The following ZSWIM8 variants were observed in gnomAD, a reference collection of about 807,000 sequenced individuals.
The protein encoded by ZSWIM8 is zinc finger SWIM-type containing 8, also known as zinc finger SWIM domain-containing protein 8.
A neutral mutation model predicts 173.7 loss-of-function variants in ZSWIM8; 27 were observed. The ratio of observed to expected loss-of-function variants is 0.16; its 90% CI spans 0.11 to 0.21. The LOEUF (loss-of-function observed/expected upper bound fraction) is 0.21, where lower values mean the gene tolerates loss of function less well. Among genes scored for constraint, ZSWIM8 ranks in the 10% least tolerant of loss-of-function variants. The pLI is 1.00. For missense variants in ZSWIM8, 1,627 were observed against 2,428.8 expected, an observed-to-expected ratio of 0.67 and a Z score of 6.94; for synonymous variants, 958 against 962.0, an observed-to-expected ratio of 1.00 and a Z score of 0.08.
Position 73,792,938 on chromosome 10 carries a change from C to G in ZSWIM8, c.2313+86C>G. The G allele has an allele frequency of 6.9e-7, 1 of 1,456,504 alleles. No individual in the cohort carries two copies. Among genetic ancestry groups the G allele is most frequent in the Non-Finnish European group, 9.1e-7 (1 of 1,096,900 alleles). The allele number at this position is 1,456,504 out of a possible 1,614,324, so 90.2% of individuals were successfully genotyped here. A position where few individuals can be genotyped will look rare whatever the true frequency, so the allele number is the denominator to read the frequency against. On this transcript the variant is annotated intron_variant, in intron 10 of 25. Coordinates refer to ENST00000604729, the MANE Select transcript of ZSWIM8 (RefSeq NM_001367799.1). The surrounding 1 kb of genome is among the most constrained non-coding windows in gnomAD (Gnocchi z 4.3). ...TAGCTCTAGTTGGGAGTGTCAGGACCATCAGCAGGATTGTGAGAACCCTGT... is the reference window on the plus strand; with the variant it reads ...TAGCTCTAGTTGGGAGTGTCAGGACGATCAGCAGGATTGTGAGAACCCTGT...
intron 7 of ZSWIM8, 94 bp downstream of exon 7, chr10:73,790,386 C>G: frequency 6.7e-7 from 1 of 1,501,490 alleles, no homozygotes; most frequent in African/African-American, 1.4e-5. Context: ...GCCTGTGACC[C>G]CTACCTTTTA....
In ZSWIM8 at chr10:73,792,613, C is replaced by G; in HGVS notation, c.2074C>G (p.Leu692Val). ...PTASVGPPGL[L>V]PGDVCTQDDL... ...AGCCTCTGTTGGCCCCCCTGGCCTA[C>G]TGCCTGGGGATGTCTGTACCCAGGA... Residue 692 changes from leucine to valine, a missense_variant, in exon 10 of 26, where the codon CTG (leucine) becomes GTG (valine). This residue lies in a region of ZSWIM8 where 383 missense variants were observed against 394.8 expected (regional missense o/e 0.97). Coordinates refer to ENST00000604729, the MANE Select transcript of ZSWIM8 (RefSeq NM_001367799.1). The surrounding 1 kb of genome is among the most constrained non-coding windows in gnomAD (Gnocchi z 4.3). 1 of 1,614,028 alleles carries G rather than the reference C, an allele frequency of 6.2e-7. No homozygotes were observed. The highest frequency in any genetic ancestry group is 1.1e-5 in the South Asian group (1 of 91,092).
chr10:73,795,757 A>G, intron 15 of ZSWIM8, 94 bp downstream of exon 15: 2 of 1,410,714 alleles, frequency 1.4e-6, no homozygotes, highest in Non-Finnish European at 1.9e-6. Context: ...CAGGAGTTTG[A>G]GACAAGCCTG....
chr10:73,792,356 G>C lies in ZSWIM8; in HGVS notation c.1817G>C (p.Arg606Pro). ...KGSAGGGSKR[R>P]LSSEDSSLEP... ...TCAGCAGGTGGCGGAAGCAAGCGACGGCTGAGCAGCGAAGACAGCTCCCTG... is the reference window on the plus strand; with the variant it reads ...TCAGCAGGTGGCGGAAGCAAGCGACCGCTGAGCAGCGAAGACAGCTCCCTG... The change falls in exon 10 of 26, where the codon CGG becomes CCG. Residue 606 changes from arginine to proline, a missense_variant. Arg to Pro is a moderately radical substitution (Grantham distance 103, BLOSUM62 -2). This residue lies in a region of ZSWIM8 where 383 missense variants were observed against 394.8 expected (regional missense o/e 0.97). Coordinates refer to ENST00000604729, the MANE Select transcript of ZSWIM8 (RefSeq NM_001367799.1). This position sits in a 1 kb window ranked among gnomAD's most constrained non-coding sequence, Gnocchi z 4.3. The C allele has an allele frequency of 6.2e-7, 1 of 1,611,232 alleles. No homozygotes were observed. The highest frequency in any genetic ancestry group is 2.2e-5 in the East Asian group (1 of 44,780).
rs371197279 is a variant in ZSWIM8 at position 73,801,375 on chromosome 10, G to T, written c.5361G>T (p.Ala1787=). 2.7e-5 allele frequency: 43 copies of T among 1,613,828 alleles called. No individual in the cohort carries two copies. The highest frequency in any genetic ancestry group is 3.4e-5 in the Non-Finnish European group (40 of 1,179,874). The change falls in exon 26 of 26, where the codon GCG becomes GCT. Residue 1787 remains alanine, a synonymous_variant. Coordinates refer to ENST00000604729, the MANE Select transcript of ZSWIM8 (RefSeq NM_001367799.1). The surrounding 1 kb of genome is among the most constrained non-coding windows in gnomAD (Gnocchi z 4.9). The part of the protein sequence containing the change: ...TPADYDDFVN[A]IRSARSAFCL... ...CGGACTACGACGACTTTGTGAATGC[G>T]ATCCGGAGTGCCCGCAGCGCCTTCT...
At position 73,792,801 on chromosome 10, in the gene ZSWIM8, G is replaced by T; in HGVS notation, c.2262G>T (p.Glu754Asp). Residue 754 changes from glutamate (E) to aspartate (D), a missense_variant, in exon 10 of 26, where the codon GAG (glutamate) becomes GAT (aspartate). Physicochemically the swap from Glu to Asp is conservative, Grantham distance 45 (BLOSUM62 2). Coordinates refer to ENST00000604729, the MANE Select transcript of ZSWIM8 (RefSeq NM_001367799.1). The surrounding 1 kb of genome is among the most constrained non-coding windows in gnomAD (Gnocchi z 4.3). ...AGGCCGAGGGCGGGGCTGGGGAGGAGCACGACCTGTTTGCTGGGCTGAAGC... is the reference window on the plus strand; with the variant it reads ...AGGCCGAGGGCGGGGCTGGGGAGGATCACGACCTGTTTGCTGGGCTGAAGC... Reference protein sequence around the residue: ...EEKAEGGAGEEHDLFAGLKPL... With the variant: ...EEKAEGGAGEDHDLFAGLKPL... The T allele has an allele frequency of 6.2e-7, 1 of 1,600,986 alleles. No homozygotes were observed.
In ZSWIM8 at chr10:73,791,557, G is replaced by C. The variant is rs1001635100; in HGVS notation, c.1319+58G>C. 16 of 1,479,972 alleles carry C rather than the reference G, an allele frequency of 1.1e-5. No individual in the cohort carries two copies. Among genetic ancestry groups the C allele is most frequent in the Non-Finnish European group, 1.4e-5 (15 of 1,108,276 alleles). 91.7% of individuals were successfully genotyped at this position (1,479,972 alleles called of 1,614,324 possible). On this transcript the variant is annotated intron_variant, in intron 9 of 25. Coordinates refer to ENST00000604729, the MANE Select transcript of ZSWIM8 (RefSeq NM_001367799.1). The surrounding 1 kb of genome is among the most constrained non-coding windows in gnomAD (Gnocchi z 6.0). ...AGCCTGGGCCAGCTCAGGACAGACTGAGCCTTCATCTCCTTGTTTGCAGAG... is the reference window on the plus strand; with the variant it reads ...AGCCTGGGCCAGCTCAGGACAGACTCAGCCTTCATCTCCTTGTTTGCAGAG...
Position 73,793,641 on chromosome 10 carries a change from C to T in ZSWIM8, c.2367C>T (p.Ala789=), listed in dbSNP as rs780358951. The T allele has an allele frequency of 1.9e-6, 3 of 1,613,446 alleles. No individual in the cohort carries two copies. Among genetic ancestry groups the T allele is most frequent in the Non-Finnish European group, 2.5e-6 (3 of 1,179,612 alleles). The part of the protein sequence containing the change: ...ALHAHGYSSE[A]SRLTVELAQD... ...ATGCGCATGGCTATAGCAGTGAGGC[C>T]TCCCGTCTCACTGTGGAGCTTGCCC... Residue 789 remains alanine (A), a synonymous_variant, in exon 11 of 26, where the codon GCC becomes GCT. Transcript: ENST00000604729.
In ZSWIM8 at chr10:73,789,223, T is replaced by G. The variant is rs1317393749; in HGVS notation, c.457+33T>G. The G allele has an allele frequency of 3.1e-6, 5 of 1,612,002 alleles. No homozygotes were observed. Among genetic ancestry groups the G allele is most frequent in the Non-Finnish European group, 4.2e-6 (5 of 1,178,224 alleles). On this transcript the variant is annotated intron_variant, in intron 3 of 25. Coordinates refer to ENST00000604729, the MANE Select transcript of ZSWIM8 (RefSeq NM_001367799.1). This position sits in a 1 kb window ranked among gnomAD's most constrained non-coding sequence, Gnocchi z 6.8. Reference sequence around the variant, plus strand: ...GGCCATCATGCCATGTGGCACATCCTGCTCCTCCCATCCCCTGGCTTATGA... The same window carrying G: ...GGCCATCATGCCATGTGGCACATCCGGCTCCTCCCATCCCCTGGCTTATGA...
At chr10:73,786,222 G>C (rs2083212794) in intron 1 of ZSWIM8, 136 bp downstream of exon 1, 1 of 1,045,382 alleles carries the variant, frequency 9.6e-7, no homozygotes, top group Non-Finnish European at 1.3e-6. Flanking sequence ...CCCCGGCCGG[G>C]AGCTGTCCCC....
Position 73,796,755 on chromosome 10 carries a change from C to A in ZSWIM8, c.3034-19C>A. On this transcript the variant is annotated intron_variant, in intron 15 of 25. Transcript: ENST00000604729. Reference sequence around the variant, plus strand: ...ATCCTGTCACTGCTTCTCTGGAGGTCACTGCTTCTGTCTTCCAGATCTTAG... The same window carrying A: ...ATCCTGTCACTGCTTCTCTGGAGGTAACTGCTTCTGTCTTCCAGATCTTAG... 6.2e-7 allele frequency: 1 copy of A among 1,610,306 alleles called. No homozygotes were observed. The highest frequency in any genetic ancestry group is 1.1e-5 in the South Asian group (1 of 91,020).
intron 1 of ZSWIM8, among the ~76,000 whole-genome samples, chr10:73,787,159 G>T (rs1232290477): frequency 6.6e-6 from 1 of 152,150 alleles, no homozygotes; most frequent in African/African-American, 2.4e-5. Flanking sequence ...GGTCAGGCTG[G>T]TCTTGAACTC....
chr10:73,788,263 C>T (rs1027831666), intron 1 of ZSWIM8, among the ~76,000 whole-genome samples: 7 of 149,918 alleles, frequency 4.7e-5, no homozygotes, highest in African/African-American at 1.2e-4. Flanking sequence ...AAAAGGCAAT[C>T]GGAGACAAGA....
At chr10:73,787,190 C>T (rs1463496335) in intron 1 of ZSWIM8, among the ~76,000 whole-genome samples, 2 of 152,164 alleles carry the variant, frequency 1.3e-5, no homozygotes, top group African/African-American at 2.4e-5. Context: ...GTGATCTGCG[C>T]GCCTCGGCCT....
rs1176887064 is a variant in ZSWIM8 at position 73,789,301 on chromosome 10, C to G, written c.458-66C>G. The G allele has an allele frequency of 5.7e-6, 9 of 1,578,468 alleles. No individual in the cohort carries two copies. The highest frequency in any genetic ancestry group is 7.8e-6 in the Non-Finnish European group (9 of 1,159,824). On this transcript the variant is annotated intron_variant, in intron 3 of 25. Coordinates refer to ENST00000604729, the MANE Select transcript of ZSWIM8 (RefSeq NM_001367799.1). This position sits in a 1 kb window ranked among gnomAD's most constrained non-coding sequence, Gnocchi z 6.8. The stretch of plus-strand genomic sequence containing the variant: ...GCATGTTGTCTGAATAACTGCAGGG[C>G]CAGGGTCAAGGGCAGAGACCCAGGT...
chr10:73,786,084 G>C lies in ZSWIM8; in HGVS notation c.206G>C (p.Arg69Pro), dbSNP rs1457159611. 1.9e-6 allele frequency: 3 copies of C among 1,567,926 alleles called. No individual in the cohort carries two copies. The highest frequency in any genetic ancestry group is 2.6e-6 in the Non-Finnish European group (3 of 1,154,942). ...GGTGGCAGTGGCGGTACCAGAATGC[G>C]AGGTGAGAGTGAGCTGGGGGGAAGA... ...GGGGSGGTRMRDGLVIPLVEL... is the reference protein window; with the variant it reads ...GGGGSGGTRMPDGLVIPLVEL... The change falls in exon 1 of 26, where the codon CGA becomes CCA. Residue 69 changes from arginine (R) to proline (P), a missense_variant and splice_region_variant. By Grantham distance (103) the Arg-to-Pro change is moderately radical (BLOSUM62 -2). Transcript: ENST00000604729.
chr10:73,791,218 T>A lies in ZSWIM8; in HGVS notation c.1143+42T>A. The A allele has an allele frequency of 6.4e-7, 1 of 1,570,340 alleles. No individual in the cohort carries two copies. Among genetic ancestry groups the A allele is most frequent in the Non-Finnish European group, 8.7e-7 (1 of 1,152,290 alleles). On this transcript the variant is annotated intron_variant, in intron 8 of 25. Coordinates refer to ENST00000604729, the MANE Select transcript of ZSWIM8 (RefSeq NM_001367799.1). This position sits in a 1 kb window ranked among gnomAD's most constrained non-coding sequence, Gnocchi z 6.0. ...GGGGAGCCCCGTGGTAGCTCATTCT[T>A]TCCCTCCCCCTGCCTCATCCTCCTC...
chr10:73,794,374 G>A (rs767619694), intron 13 of ZSWIM8, 44 bp downstream of exon 13: 1 of 1,597,744 alleles, frequency 6.3e-7, no homozygotes, highest in African/African-American at 1.3e-5. Context: ...TGGGGTAGGG[G>A]TAGCTTTCTC....
At chr10:73,790,814 A>G (rs187381767) in intron 7 of ZSWIM8, among the ~76,000 whole-genome samples, 161 bp from the exon 8 acceptor site, 1 of 152,182 alleles carries the variant, frequency 6.6e-6, no homozygotes, top group African/African-American at 2.4e-5. Flanking sequence ...GCGCCATTGC[A>G]CTCAAGCCTG....
Sources: gnomAD v4.1 joint callset for allele counts (sites outside exome capture counted in the v4.1 genomes callset) on GRCh38, gnomAD v4.1.1 for gene constraint, gnomAD v4.1.1 regional missense constraint, Gnocchi (gnomAD v3.1) non-coding constraint, MANE v1.5 for transcripts, NCBI Gene and HGNC (gene_info 2026-07-23, HGNC 2026-07-21) for gene names.